Variants in NCKAP5 observed in about 807,000 individuals in gnomAD.
NCKAP5 encodes the protein nck-associated protein 5.
A neutral mutation model predicts 167.0 loss-of-function variants in NCKAP5; 92 were observed. The ratio of observed to expected loss-of-function variants is 0.55; its 90% confidence interval spans 0.47 to 0.66. The LOEUF (loss-of-function observed/expected upper bound fraction) is 0.66. NCKAP5 is among the 30% of genes least tolerant of loss of function. The pLI is 0.00. For synonymous variants in NCKAP5, 891 were observed against 877.4 expected, an observed-to-expected ratio of 1.02 and a Z score of -0.27; for missense variants, 2,378 against 2,315.0, an observed-to-expected ratio of 1.03 and a Z score of -0.56.
At chr2:133,260,033 G>A (rs1185272495) in intron 4 of NCKAP5, among the ~76,000 whole-genome samples, 1 of 152,184 alleles carries the variant, frequency 6.6e-6, no homozygotes, top group Admixed American at 6.5e-5. Context: ...ATTTTTTAAA[G>A]TATATTAATG....
At chr2:133,439,608 T>C (rs755488174) in intron 3 of NCKAP5, among the ~76,000 whole-genome samples, 4 of 152,210 alleles carry the variant, frequency 2.6e-5, no homozygotes, top group Non-Finnish European at 2.9e-5. Context: ...CAAATGTACA[T>C]ATGAATATAC....
chr2:133,249,788 C>T (rs1021557454), intron 4 of NCKAP5, among the ~76,000 whole-genome samples: 1 of 152,064 alleles, frequency 6.6e-6, no homozygotes, highest in Non-Finnish European at 1.5e-5. Flanking sequence ...AGCACATACG[C>T]CCAAGGGAAC....
chr2:132,721,538 C>T (rs1689930050), intron 19 of NCKAP5, among the ~76,000 whole-genome samples: 1 of 152,192 alleles, frequency 6.6e-6, no homozygotes, highest in African/African-American at 2.4e-5. Context: ...CAAGGAAACA[C>T]TGACTCACGG....
chr2:133,300,895 A>C, intron 4 of NCKAP5, among the ~76,000 whole-genome samples: 1 of 67,364 alleles, frequency 1.5e-5, no homozygotes, highest in Non-Finnish European at 2.7e-5. Flanking sequence ...GTCTCAGCCC[A>C]AAATCTCCTT....
At chr2:133,663,378 G>T in the NCKAP5 span, among the ~76,000 whole-genome samples, 327 of 152,242 alleles carry the variant, frequency 2.1e-3, 1 homozygote, top group African/African-American at 7.7e-3. Flanking sequence ...ATTAATCAGG[G>T]TGGCGCTTTC....
intron 16 of NCKAP5, among the ~76,000 whole-genome samples, chr2:132,762,451 G>A (rs1681085434): frequency 6.6e-6 from 1 of 152,180 alleles, no homozygotes; most frequent in Non-Finnish European, 1.5e-5. Flanking sequence ...TGAAGGAACT[G>A]CACAAAATCG....
the NCKAP5 span, among the ~76,000 whole-genome samples, chr2:133,647,468 CAAGGGAAGGA>C: frequency 3.8e-5 from 2 of 53,024 alleles, no homozygotes; most frequent in Admixed American, 2.6e-4. Flanking sequence ...AAAGAAAGGG[CAAGGGAAGGA>C]AAGGAAAGGA....
At chr2:133,387,945 C>T (rs756814004) in intron 3 of NCKAP5, among the ~76,000 whole-genome samples, 1 of 152,090 alleles carries the variant, frequency 6.6e-6, no homozygotes, top group Non-Finnish European at 1.5e-5. Context: ...GCCATTCATC[C>T]AATCTTTTTT....
chr2:133,496,250 C>T (rs767710592), intron 3 of NCKAP5, among the ~76,000 whole-genome samples: 4 of 152,202 alleles, frequency 2.6e-5, no homozygotes, highest in Non-Finnish European at 5.9e-5. Flanking sequence ...GATACATGGG[C>T]ACCTCTGGGA....
intron 4 of NCKAP5, among the ~76,000 whole-genome samples, chr2:133,248,690 T>C (rs1425341926): frequency 6.6e-6 from 1 of 152,210 alleles, no homozygotes; most frequent in African/African-American, 2.4e-5. Context: ...ACTGCAGCTT[T>C]TAAATTCTCT....
intron 6 of NCKAP5, among the ~76,000 whole-genome samples, chr2:133,110,907 C>T (rs1336598009): frequency 1.3e-5 from 2 of 152,206 alleles, no homozygotes; most frequent in African/African-American, 2.4e-5. Context: ...CCTCTCTTCC[C>T]GGCTTACAGA....
intron 8 of NCKAP5, among the ~76,000 whole-genome samples, chr2:132,950,013 G>A (rs940421974): frequency 1.3e-5 from 2 of 152,146 alleles, no homozygotes; most frequent in Non-Finnish European, 1.5e-5. Context: ...AGAATCGCTG[G>A]AAACTGAGAG....
Position 132,782,222 on chromosome 2 carries a change from G to C in NCKAP5, c.4589C>G (p.Thr1530Ser). ...LSSRKMDISKTKVEKKDAKVL... is the reference protein window; with the variant it reads ...LSSRKMDISKSKVEKKDAKVL... ...TTTTGCATCTTTCTTTTCTACTTTG[G>C]TTTTGGAGATGTCCATTTTCCTGCT... is the stretch of plus-strand genomic sequence containing the variant. The change falls in exon 14 of 20, where the codon ACC (threonine) becomes AGC (serine). Residue 1530 changes from threonine (T) to serine (S), a missense_variant. This residue lies in a region of NCKAP5 where 1,325 missense variants were observed against 1,274.5 expected (regional missense o/e 1.04). Transcript: ENST00000409261. The C allele has an allele frequency of 6.2e-7, 1 of 1,613,518 alleles. No homozygotes were observed. The highest frequency in any genetic ancestry group is 8.5e-7 in the Non-Finnish European group (1 of 1,179,824).
chr2:132,746,599 CAT>C (rs1679666061), intron 16 of NCKAP5, among the ~76,000 whole-genome samples: 1 of 152,094 alleles, frequency 6.6e-6, no homozygotes, highest in Non-Finnish European at 1.5e-5. Flanking sequence ...ACGCAAGCAA[CAT>C]ATACCCATCA....
intron 6 of NCKAP5, among the ~76,000 whole-genome samples, chr2:133,095,330 G>T (rs2081311805): frequency 6.6e-6 from 1 of 152,168 alleles, no homozygotes; most frequent in African/African-American, 2.4e-5. Context: ...GCCAAGAACT[G>T]CCCCCATCAC....
At chr2:132,700,548 G>A (rs866609457) in intron 19 of NCKAP5, among the ~76,000 whole-genome samples, 4 of 152,264 alleles carry the variant, frequency 2.6e-5, no homozygotes, top group Non-Finnish European at 5.9e-5. Flanking sequence ...CATATGGCTA[G>A]CCAGTTTTCC....
At chr2:133,092,213 TG>T (rs1440374744) in intron 6 of NCKAP5, among the ~76,000 whole-genome samples, 1 of 152,294 alleles carries the variant, frequency 6.6e-6, no homozygotes, top group Non-Finnish European at 1.5e-5. Flanking sequence ...TGAAATCCAA[TG>T]GCTGAAATTG....
intron 3 of NCKAP5, among the ~76,000 whole-genome samples, chr2:133,506,533 T>C (rs1224142755): frequency 1.3e-5 from 2 of 152,066 alleles, no homozygotes; most frequent in African/African-American, 4.8e-5. Flanking sequence ...GTGAGGAGAA[T>C]GAAGTGGGAG....
chr2:133,196,208 G>A (rs895424737), intron 5 of NCKAP5, among the ~76,000 whole-genome samples: 2 of 152,132 alleles, frequency 1.3e-5, no homozygotes, highest in Non-Finnish European at 2.9e-5. Flanking sequence ...TGGAAATGAT[G>A]GGTGAGAGAA....
Sources: allele counts gnomAD v4.1 joint callset (sites outside exome capture counted in the v4.1 genomes callset), GRCh38; gene constraint gnomAD v4.1.1; regional missense constraint gnomAD v4.1.1; transcripts MANE v1.5; gene names NCBI Gene and HGNC (gene_info 2026-07-23, HGNC 2026-07-21).